The following ARID1B variants were observed in gnomAD, a reference collection of about 807,000 sequenced individuals.
ARID1B encodes AT-rich interactive domain-containing protein 1B.
Under a neutral mutation model 212.3 loss-of-function variants are expected in ARID1B, and 30 were observed. That is an observed-to-expected ratio of 0.14 (90% CI 0.11 to 0.19). The LOEUF is 0.19. Among genes scored for constraint, ARID1B ranks in the 10% least tolerant of loss-of-function variants. The probability of loss-of-function intolerance (pLI) is 1.00; values close to 1 mark genes in which losing one functional copy is unlikely to be tolerated. For synonymous variants in ARID1B, 1,402 were observed against 1,301.7 expected, an observed-to-expected ratio of 1.08 and a Z score of -1.66; for missense variants, 2,891 against 3,204.0, an observed-to-expected ratio of 0.90 and a Z score of 2.36.
At chr6:157,070,972 G>A (rs1783974222) in intron 4 of ARID1B, among the ~76,000 whole-genome samples, 1 of 152,104 alleles carries the variant, frequency 6.6e-6, no homozygotes. Flanking sequence ...AAATCCTGCC[G>A]AGCCCTGGGG....
chr6:156,900,607 A>G (rs1788839873), intron 2 of ARID1B, among the ~76,000 whole-genome samples: 1 of 152,222 alleles, frequency 6.6e-6, no homozygotes, highest in South Asian at 2.1e-4. Context: ...TTGAAATTAC[A>G]GAAAAAGGCA....
chr6:156,781,593 T>C (rs533527545), intron 1 of ARID1B, among the ~76,000 whole-genome samples: 1 of 152,254 alleles, frequency 6.6e-6, no homozygotes, highest in South Asian at 2.1e-4. Context: ...TTGTGAATCC[T>C]AGGCTGAACA....
intron 4 of ARID1B, among the ~76,000 whole-genome samples, chr6:157,042,799 C>A (rs1346363710): frequency 6.6e-6 from 1 of 151,930 alleles, no homozygotes; most frequent in Non-Finnish European, 1.5e-5. Flanking sequence ...GCTGGGAATA[C>A]AGACCTGTGC....
At position 156,947,635 on chromosome 6, in the gene ARID1B, TAA is replaced by T. The variant is rs11352269; in HGVS notation, c.2247+12074_2247+12075del. Among the ~76,000 whole-genome samples, 420 of 141,510 alleles carry T rather than the reference TAA, an allele frequency of 3.0e-3. 2 individuals are homozygous for T. Among genetic ancestry groups the T allele is most frequent in the African/African-American group, 9.2e-3 (356 of 38,858 alleles). 92.8% of individuals were successfully genotyped at this position (141,510 alleles called of 152,430 possible). ...TACTCTGAACTCTGAAGGGCTAATT[TAA>T]AAAAAAAAAAAAAATCAAGCCCCTC... On this transcript the variant is annotated intron_variant, in intron 4 of 19. Coordinates refer to ENST00000636930, the MANE Select transcript of ARID1B (RefSeq NM_001374828.1).
intron 4 of ARID1B, among the ~76,000 whole-genome samples, chr6:157,074,736 G>A (rs550344101): frequency 6.0e-4 from 92 of 152,234 alleles, no homozygotes; most frequent in Admixed American, 1.2e-3. Context: ...CTGTCTTTGA[G>A]ACTCTTTATA....
chr6:157,191,247 C>T (rs899483732), intron 15 of ARID1B, among the ~76,000 whole-genome samples: 7 of 151,582 alleles, frequency 4.6e-5, no homozygotes, highest in Non-Finnish European at 8.8e-5. Context: ...AGAGGGAACC[C>T]GCCGGCAGAG....
intron 9 of ARID1B, among the ~76,000 whole-genome samples, chr6:157,171,552 A>C (rs1006794556): frequency 6.6e-6 from 1 of 152,264 alleles, no homozygotes; most frequent in Non-Finnish European, 1.5e-5. Context: ...AACCACAGTA[A>C]GGAAAGAGCT....
intron 3 of ARID1B, among the ~76,000 whole-genome samples, chr6:156,908,040 T>A (rs1456887759): frequency 2.6e-5 from 4 of 152,154 alleles, no homozygotes; most frequent in Non-Finnish European, 5.9e-5. Flanking sequence ...GCTCTTTATC[T>A]TTACCTTTTG....
At chr6:157,098,055 T>C (rs1785777673) in intron 5 of ARID1B, among the ~76,000 whole-genome samples, 1 of 152,132 alleles carries the variant, frequency 6.6e-6, no homozygotes, top group African/African-American at 2.4e-5. Flanking sequence ...CAGCCAAATA[T>C]TAAGCTTCTC....
chr6:156,865,266 G>C (rs1171143082), intron 2 of ARID1B, among the ~76,000 whole-genome samples: 1 of 152,130 alleles, frequency 6.6e-6, no homozygotes, highest in Admixed American at 6.5e-5. Flanking sequence ...TGGTTCAAGA[G>C]ACCAAATTTT....
intron 4 of ARID1B, among the ~76,000 whole-genome samples, chr6:157,061,515 C>T (rs955357546): frequency 1.3e-5 from 2 of 150,052 alleles, no homozygotes; most frequent in Non-Finnish European, 3.0e-5. Context: ...GGGCAGTGGG[C>T]GTGGGTATTT....
At chr6:156,836,147 C>G (rs1413464308) in intron 2 of ARID1B, among the ~76,000 whole-genome samples, 2 of 152,118 alleles carry the variant, frequency 1.3e-5, no homozygotes, top group Non-Finnish European at 2.9e-5. Context: ...AAAACAAACA[C>G]TGAACAACAA....
chr6:157,072,318 A>G (rs1464213922), intron 4 of ARID1B: 1 of 152,208 alleles, frequency 6.6e-6, no homozygotes, highest in Non-Finnish European at 1.5e-5. Flanking sequence ...CAGCATTTAT[A>G]CAGTTGGTAA....
At chr6:157,021,411 G>C (rs1359836818) in intron 4 of ARID1B, among the ~76,000 whole-genome samples, 1 of 152,212 alleles carries the variant, frequency 6.6e-6, no homozygotes, top group Admixed American at 6.5e-5. Flanking sequence ...GCGAGGATGA[G>C]GGCGGCGAGC....
intron 4 of ARID1B, among the ~76,000 whole-genome samples, chr6:157,026,314 G>T (rs1158557713): frequency 1.3e-5 from 2 of 152,190 alleles, no homozygotes; most frequent in Non-Finnish European, 2.9e-5. Context: ...GCTTTCTGTG[G>T]TGTAGCCAAA....
intron 19 of ARID1B, chr6:157,204,950 CA>C (rs919609682): frequency 6.6e-6 from 1 of 152,140 alleles, no homozygotes; most frequent in African/African-American, 2.4e-5. Flanking sequence ...GGCAATTTTT[CA>C]ATTGCTAGAA....
intron 4 of ARID1B, among the ~76,000 whole-genome samples, chr6:157,060,283 A>T (rs1431248408): frequency 6.6e-6 from 1 of 152,234 alleles, no homozygotes; most frequent in African/African-American, 2.4e-5. Context: ...TAAAGCAGAG[A>T]GTGTTCAATT....
intron 4 of ARID1B, among the ~76,000 whole-genome samples, chr6:156,991,243 T>C (rs1778257782): frequency 6.6e-6 from 1 of 152,122 alleles, no homozygotes; most frequent in Non-Finnish European, 1.5e-5. Flanking sequence ...TCTGTTTTTG[T>C]TTTTTGAGAC....
At chr6:156,784,803 A>G (rs575771536) in intron 1 of ARID1B, among the ~76,000 whole-genome samples, 1 of 152,298 alleles carries the variant, frequency 6.6e-6, no homozygotes, top group Admixed American at 6.5e-5. Flanking sequence ...TTTGCCACCC[A>G]GGTTGGAGTG....
Sources: gnomAD v4.1 joint callset for allele counts (sites outside exome capture counted in the v4.1 genomes callset) on GRCh38, gnomAD v4.1.1 for gene constraint, MANE v1.5 for transcripts, NCBI Gene and HGNC (gene_info 2026-07-23, HGNC 2026-07-21) for gene names.